Variants in TRIO observed in about 807,000 individuals in gnomAD.
TRIO encodes trio Rho guanine nucleotide exchange factor.
Under a neutral mutation model 351.9 loss-of-function variants are expected in TRIO, and 58 were observed. That is an observed-to-expected ratio of 0.16 (90% CI 0.13 to 0.21). The LOEUF (loss-of-function observed/expected upper bound fraction) is 0.21. Ranked by LOEUF, TRIO falls within the 10% of genes least tolerant of loss-of-function variation. TRIO has a pLI of 1.00. For synonymous variants in TRIO, 1,758 were observed against 1,595.7 expected (o/e 1.10, Z -2.42); for missense variants, 3,201 against 4,027.8 (o/e 0.79, Z 5.56).
At chr5:14,397,183 A>G (rs760629725) in intron 29 of TRIO, 29 bp downstream of exon 29, 7 of 1,542,734 alleles carry the variant, frequency 4.5e-6, no homozygotes, top group South Asian at 1.2e-5. Flanking sequence ...CCCAGTGTGC[A>G]TCTATGCAGT....
At chr5:14,318,363 G>A (rs1455745743) in intron 9 of TRIO, among the ~76,000 whole-genome samples, 1 of 150,336 alleles carries the variant, frequency 6.7e-6, no homozygotes, top group Non-Finnish European at 1.5e-5. Flanking sequence ...GCTGAGGCAG[G>A]AGAATCACTT....
At chr5:14,239,634 G>A (rs868728516) in intron 1 of TRIO, among the ~76,000 whole-genome samples, 85 of 152,114 alleles carry the variant, frequency 5.6e-4, no homozygotes, top group Non-Finnish European at 7.4e-5. Context: ...GCCTGCCCAA[G>A]GTCACCTAGT....
chr5:14,313,185 G>GT (rs1739077544), intron 8 of TRIO, among the ~76,000 whole-genome samples: 1 of 152,198 alleles, frequency 6.6e-6, no homozygotes, highest in Non-Finnish European at 1.5e-5. Context: ...GTAAATGACA[G>GT]TACCAGTGGT....
At chr5:14,224,178 A>G (rs1457283629) in intron 1 of TRIO, among the ~76,000 whole-genome samples, 1 of 151,884 alleles carries the variant, frequency 6.6e-6, no homozygotes, top group Non-Finnish European at 1.5e-5. Flanking sequence ...TTATTATTAT[A>G]TTATTATTAT....
At chr5:14,318,258 C>T (rs1033930690) in intron 9 of TRIO, among the ~76,000 whole-genome samples, 14 of 137,276 alleles carry the variant, frequency 1.0e-4, no homozygotes, top group Admixed American at 2.2e-4. Flanking sequence ...CGCACCATTG[C>T]ACTCCAGCAA....
intron 2 of TRIO, among the ~76,000 whole-genome samples, chr5:14,279,155 AG>A (rs1282944963): frequency 6.6e-6 from 1 of 152,236 alleles, no homozygotes; most frequent in Admixed American, 6.5e-5. Context: ...AAATAATTTA[AG>A]GCTTTTCTAG....
intron 9 of TRIO, among the ~76,000 whole-genome samples, chr5:14,327,945 G>T (rs1027246600): frequency 3.3e-5 from 5 of 152,192 alleles, no homozygotes; most frequent in Non-Finnish European, 5.9e-5. Flanking sequence ...ACTCAGCAAC[G>T]CTTTGTCTGC....
chr5:14,399,970 C>T (rs900128297), intron 30 of TRIO, among the ~76,000 whole-genome samples: 1 of 152,182 alleles, frequency 6.6e-6, no homozygotes, highest in Non-Finnish European at 1.5e-5. Flanking sequence ...GGACAACTTA[C>T]ACATCATACT....
intron 1 of TRIO, among the ~76,000 whole-genome samples, chr5:14,182,472 A>G (rs1352675743): frequency 6.6e-6 from 1 of 152,226 alleles, no homozygotes; most frequent in Admixed American, 6.5e-5. Flanking sequence ...ATCAAATACA[A>G]TGCAAGTTTC....
rs1743937950 is a variant in TRIO, at chr5:14,359,502, C to T, written c.2362C>T (p.Leu788=). 1 of 1,614,124 alleles carries T rather than the reference C, an allele frequency of 6.2e-7. No homozygotes were observed. The highest frequency in any genetic ancestry group is 8.5e-7 in the Non-Finnish European group (1 of 1,180,026). ...RKIKLELFLQ[L]RIFERDAIDI... Reference sequence around the variant, plus strand: ...GATCAAGCTGGAGCTCTTCCTGCAGCTGCGCATCTTCGAGAGGGACGCCAT... The same window carrying T: ...GATCAAGCTGGAGCTCTTCCTGCAGTTGCGCATCTTCGAGAGGGACGCCAT... The change falls in exon 13 of 57, where the codon CTG becomes TTG. Residue 788 remains leucine (L), a synonymous_variant. Coordinates refer to ENST00000344204, the MANE Select transcript of TRIO (RefSeq NM_007118.4).
At chr5:14,290,554 C>G (rs1736818450) in intron 4 of TRIO, among the ~76,000 whole-genome samples, 162 bp from the exon 5 acceptor site, 1 of 152,142 alleles carries the variant, frequency 6.6e-6, no homozygotes, top group Non-Finnish European at 1.5e-5. Context: ...ATGCTTCTTT[C>G]ATCTACATTT....
Position 14,487,955 on chromosome 5 carries a change from A to G in TRIO, c.7327A>G (p.Thr2443Ala), listed in dbSNP as rs749567393. 11 of 1,549,240 alleles carry G rather than the reference A, an allele frequency of 7.1e-6. No individual in the cohort carries two copies. The South Asian group carries it at 1.2e-4, about 17-fold the overall frequency. ...CAAGGACGCGCGCGCTAGCCTGGGC[A>G]CCCTGCCGCTTGGGAAGCCCCGGGC... ...PAKDARASLG[T>A]LPLGKPRAGA... is the part of the protein sequence containing the mutation. Residue 2443 changes from threonine (T) to alanine (A), a missense_variant, in exon 48 of 57, where the codon ACC becomes GCC. Thr to Ala is a moderately conservative substitution (Grantham distance 58, BLOSUM62 0). Transcript: ENST00000344204.
intron 1 of TRIO, among the ~76,000 whole-genome samples, chr5:14,249,179 G>A (rs1316329581): frequency 6.6e-6 from 1 of 152,244 alleles, no homozygotes. Context: ...AAATGTACAA[G>A]AGAAATAGAA....
At chr5:14,159,287 A>G (rs554069823) in intron 1 of TRIO, among the ~76,000 whole-genome samples, 7 of 150,764 alleles carry the variant, frequency 4.6e-5, no homozygotes, top group Admixed American at 2.6e-4. Context: ...AATTTTGTGG[A>G]AAAACCTGGG....
At chr5:14,463,212 A>G (rs977022243) in intron 36 of TRIO, among the ~76,000 whole-genome samples, 3 of 152,218 alleles carry the variant, frequency 2.0e-5, no homozygotes, top group African/African-American at 7.2e-5. Context: ...GTAATTTTAA[A>G]GTTTCCTAAT....
chr5:14,487,533 G>T lies in TRIO; in HGVS notation c.6905G>T (p.Ser2302Ile). The T allele has an allele frequency of 1.9e-6, 2 of 1,054,308 alleles. No individual in the cohort carries two copies. Among genetic ancestry groups the T allele is most frequent in the Non-Finnish European group, 2.3e-6 (2 of 865,692 alleles). 65.3% of individuals were successfully genotyped at this position (1,054,308 alleles called of 1,614,324 possible). Reference protein sequence around the residue: ...GGGGGGGSGGSGGGGGSGGGG... With the variant: ...GGGGGGGSGGIGGGGGSGGGG... ...GGCGGCGGCGGCGGCAGCGGGGGCAGCGGCGGGGGTGGGGGCAGCGGCGGC... is the reference window on the plus strand; with the variant it reads ...GGCGGCGGCGGCGGCAGCGGGGGCATCGGCGGGGGTGGGGGCAGCGGCGGC... The change falls in exon 48 of 57, where the codon AGC becomes ATC. Residue 2302 changes from serine to isoleucine, a missense_variant. By Grantham distance (142) the Ser-to-Ile change is moderately radical. Around this residue, in one of 19 missense-constraint regions of TRIO, gnomAD observed 1,089 missense variants for 954.9 expected, o/e 1.14. Coordinates refer to ENST00000344204, the MANE Select transcript of TRIO (RefSeq NM_007118.4).
In TRIO at chr5:14,484,946, AT is replaced by A; in HGVS notation, c.6658-121del. ...ATTGTGTGTCGGAATTTCTTTCCTC[AT>A]TAAGGCTGAAAAACTGTCCACATAG... On this transcript the variant is annotated intron_variant, in intron 46 of 56. Coordinates refer to ENST00000344204, the MANE Select transcript of TRIO (RefSeq NM_007118.4). 3 of 1,037,964 alleles carry A rather than the reference AT, an allele frequency of 2.9e-6. No individual in the cohort carries two copies. In the Admixed American group the frequency reaches 9.7e-5, roughly 33 times the overall value. The allele number at this position is 1,037,964 out of a possible 1,614,324, so 64.3% of individuals were successfully genotyped here.
At chr5:14,491,748 G>A (rs1756504301) in intron 48 of TRIO, among the ~76,000 whole-genome samples, 1 of 152,160 alleles carries the variant, frequency 6.6e-6, no homozygotes, top group Non-Finnish European at 1.5e-5. Flanking sequence ...GAAGAGATCG[G>A]GTCCCACAGG....
rs13189406 is a variant in TRIO, at chr5:14,368,866, C to T, written c.3033C>T (p.Asn1011=). The change falls in exon 17 of 57, where the codon AAC becomes AAT. Residue 1011 remains asparagine (N), a synonymous_variant. Coordinates refer to ENST00000344204, the MANE Select transcript of TRIO (RefSeq NM_007118.4). The part of the protein sequence containing the change: ...LKMEDRLKLV[N]ASVAFYKTSE... ...TGGAAGATCGCCTCAAGCTCGTCAA[C>T]GCCTCTGTCGCTTTCTACAAAACCT... is the stretch of plus-strand genomic sequence containing the variant. The T allele has an allele frequency of 0.27, 433,526 of 1,613,950 alleles. 61,110 individuals are homozygous for T. The highest frequency in any genetic ancestry group is 0.34 in the Middle Eastern group (2,072 of 6,060).
Sources: allele counts gnomAD v4.1 joint callset (sites outside exome capture counted in the v4.1 genomes callset), GRCh38; gene constraint gnomAD v4.1.1; regional missense constraint gnomAD v4.1.1; transcripts MANE v1.5; gene names NCBI Gene and HGNC (gene_info 2026-07-23, HGNC 2026-07-21).